Variants in SYNE1 observed in about 807,000 individuals in gnomAD.
SYNE1 encodes spectrin repeat containing nuclear envelope protein 1, also known as nesprin-1.
Under a neutral mutation model 1,111.0 loss-of-function variants are expected in SYNE1, and 616 were observed. The observed-to-expected ratio is 0.55, with a 90% CI of 0.52 to 0.59. The LOEUF (loss-of-function observed/expected upper bound fraction) is 0.59, where lower values mean the gene tolerates loss of function less well. Among genes scored for constraint, SYNE1 ranks in the 20% least tolerant of loss-of-function variants. The pLI is 0.00. For synonymous variants in SYNE1, 3,855 were observed against 3,825.8 expected (o/e 1.01, Z -0.28); for missense variants, 10,006 against 10,417.0 (o/e 0.96, Z 1.72).
chr6:152,244,442 T>A (rs2086571200), intron 106 of SYNE1, 95 bp downstream of exon 106: 2 of 1,599,194 alleles, frequency 1.3e-6, no homozygotes, highest in East Asian at 4.5e-5. Flanking sequence ...GTGGCGTGAA[T>A]TTTATAAAGA....
At chr6:152,417,050 T>C (rs906459419) in intron 40 of SYNE1, 35 bp from the exon 41 acceptor site, 3 of 1,611,608 alleles carry the variant, frequency 1.9e-6, no homozygotes, top group South Asian at 1.1e-5. Flanking sequence ...ATTCCTGAGA[T>C]ACACTACAGT....
chr6:152,614,926 G>A (rs367671664), intron 3 of SYNE1, among the ~76,000 whole-genome samples: 29 of 152,168 alleles, frequency 1.9e-4, no homozygotes, highest in Non-Finnish European at 3.2e-4. Flanking sequence ...GGTGGGAACT[G>A]AACAATGAGA....
chr6:152,154,229 A>G (rs1193842874), intron 133 of SYNE1, among the ~76,000 whole-genome samples: 1 of 152,214 alleles, frequency 6.6e-6, no homozygotes, highest in Non-Finnish European at 1.5e-5. Flanking sequence ...CAACAGTGAT[A>G]GAGTGGACTC....
At chr6:152,383,058 G>A (rs2097452971) in intron 55 of SYNE1, among the ~76,000 whole-genome samples, 1 of 152,110 alleles carries the variant, frequency 6.6e-6, no homozygotes, top group Non-Finnish European at 1.5e-5. Context: ...GAAGGACAGA[G>A]GAGGTGCTTT....
chr6:152,539,841 TACA>T, intron 4 of SYNE1, 116 bp downstream of exon 4: 1 of 1,111,246 alleles, frequency 9.0e-7, no homozygotes, highest in East Asian at 2.4e-5. Flanking sequence ...CCAATAAGAT[TACA>T]GTATCATTGA....
intron 47 of SYNE1, 22 bp downstream of exon 47, chr6:152,401,116 T>C (rs1253501003): frequency 6.2e-7 from 1 of 1,610,402 alleles, no homozygotes; most frequent in Non-Finnish European, 8.5e-7. Flanking sequence ...ATGGAAGCAC[T>C]TAATGATAGT....
chr6:152,140,729 C>T (rs2058333863), intron 139 of SYNE1, among the ~76,000 whole-genome samples: 1 of 152,196 alleles, frequency 6.6e-6, no homozygotes, highest in African/African-American at 2.4e-5. Flanking sequence ...TGCATCATCC[C>T]CTCACTGTCA....
At chr6:152,349,016 G>A (rs2096693383) in intron 72 of SYNE1, among the ~76,000 whole-genome samples, 1 of 152,090 alleles carries the variant, frequency 6.6e-6, no homozygotes, top group African/African-American at 2.4e-5. Flanking sequence ...CCTACCAGAA[G>A]GTATTGTGTA....
intron 64 of SYNE1, among the ~76,000 whole-genome samples, 167 bp downstream of exon 64, chr6:152,362,003 C>G (rs965426766): frequency 6.6e-6 from 1 of 152,140 alleles, no homozygotes; most frequent in African/African-American, 2.4e-5. Flanking sequence ...AAAGTAATCA[C>G]AAATGAAAGT....
chr6:152,419,598 C>T lies in SYNE1; in HGVS notation c.5392G>A (p.Asp1798Asn). Residue 1798 changes from aspartate (D) to asparagine (N), a missense_variant, in exon 40 of 146, where the codon GAC becomes AAC. Asp to Asn is a conservative substitution (Grantham distance 23, BLOSUM62 1). Around this residue, in one of 7 missense-constraint regions of SYNE1, gnomAD observed 4,955 missense variants for 5,017.2 expected, o/e 0.99. Coordinates refer to ENST00000367255, the MANE Select transcript of SYNE1 (RefSeq NM_182961.4). Reference sequence around the variant, plus strand: ...TGCCGAGTAAGGGCTACTTGATGGTCCATTATGCTAATCTCAGAGGTAGTT... The same window carrying T: ...TGCCGAGTAAGGGCTACTTGATGGTTCATTATGCTAATCTCAGAGGTAGTT... Reference protein sequence around the residue: ...LQTTSEISIMDHQVALTRHKD... With the variant: ...LQTTSEISIMNHQVALTRHKD... The T allele has an allele frequency of 6.2e-7, 1 of 1,612,678 alleles. No individual in the cohort carries two copies. Among genetic ancestry groups the T allele is most frequent in the Non-Finnish European group, 8.5e-7 (1 of 1,179,810 alleles).
rs546881671 is a variant in SYNE1 at position 152,268,977 on chromosome 6, C to T, written c.18705+178G>A. ...AAGACTGGATTTTCAAATGACCAAT[C>T]ATCCCAGTGGTCATGAGTCAATACA... On this transcript the variant is annotated intron_variant, in intron 99 of 145. Transcript: ENST00000367255. 1.5e-3 allele frequency among the ~76,000 whole-genome samples: 227 copies of T among 152,334 alleles called. 1 individual carries two copies. Among genetic ancestry groups the T allele is most frequent in the African/African-American group, 5.3e-3 (221 of 41,568 alleles).
Position 152,164,286 on chromosome 6 carries a change from C to T in SYNE1, c.23667G>A (p.Gln7889=). The T allele has an allele frequency of 6.2e-7, 1 of 1,614,174 alleles. No homozygotes were observed. Among genetic ancestry groups the T allele is most frequent in the Non-Finnish European group, 8.5e-7 (1 of 1,180,046 alleles). ...TCAGGCTGCTCATGTTCTTATCAAGCTGCTGCACGGCTACCAGGGTCTCCT... is the reference window on the plus strand; with the variant it reads ...TCAGGCTGCTCATGTTCTTATCAAGTTGCTGCACGGCTACCAGGGTCTCCT... ...KLKETLVAVQ[Q]LDKNMSSLRT... Residue 7889 remains glutamine (Q), a synonymous_variant, in exon 131 of 146, where the codon CAG becomes CAA. Coordinates refer to ENST00000367255, the MANE Select transcript of SYNE1 (RefSeq NM_182961.4).
intron 133 of SYNE1, 86 bp from the exon 134 acceptor site, chr6:152,152,227 G>A (rs2060553868): frequency 2.5e-6 from 3 of 1,200,738 alleles, no homozygotes; most frequent in African/African-American, 3.0e-5. Flanking sequence ...GTAGCGTCTG[G>A]GAGAATGGGA....
chr6:152,428,484 C>T, intron 36 of SYNE1, 92 bp from the exon 37 acceptor site: 2 of 1,282,840 alleles, frequency 1.6e-6, no homozygotes, highest in South Asian at 2.5e-5. Flanking sequence ...AATATTTTCC[C>T]TCAGTCATAA....
At chr6:152,573,162 G>A (rs1038359247) in intron 3 of SYNE1, among the ~76,000 whole-genome samples, 1 of 152,094 alleles carries the variant, frequency 6.6e-6, no homozygotes, top group African/African-American at 2.4e-5. Flanking sequence ...GGTCTCTATA[G>A]AGGAGGCTGA....
At chr6:152,262,307 G>A (rs2092114818) in intron 100 of SYNE1, 119 bp from the exon 101 acceptor site, 2 of 912,686 alleles carry the variant, frequency 2.2e-6, no homozygotes, top group South Asian at 2.8e-5. Context: ...TTAGTTATTA[G>A]CTTACACTTT....
At chr6:152,186,355 G>A (rs1333911489) in intron 128 of SYNE1, among the ~76,000 whole-genome samples, 1 of 151,880 alleles carries the variant, frequency 6.6e-6, no homozygotes, top group Non-Finnish European at 1.5e-5. Flanking sequence ...TCGGGAGTTG[G>A]AGACCAGCCT....
intron 104 of SYNE1, among the ~76,000 whole-genome samples, chr6:152,253,574 T>C (rs2089921068): frequency 6.6e-6 from 1 of 152,210 alleles, no homozygotes; most frequent in African/African-American, 2.4e-5. Flanking sequence ...GGAGACTACA[T>C]GTTTAATTTT....
intron 140 of SYNE1, among the ~76,000 whole-genome samples, chr6:152,137,116 C>T (rs2057273901): frequency 6.6e-6 from 1 of 152,130 alleles, no homozygotes; most frequent in Non-Finnish European, 1.5e-5. Context: ...CACAAATCCA[C>T]ATTTTTAAAG....
Sources: allele counts gnomAD v4.1 joint callset (sites outside exome capture counted in the v4.1 genomes callset), GRCh38; gene constraint gnomAD v4.1.1; regional missense constraint gnomAD v4.1.1; transcripts MANE v1.5; gene names NCBI Gene and HGNC (gene_info 2026-07-23, HGNC 2026-07-21).